Variants in FRK observed in about 807,000 individuals in gnomAD.
The protein encoded by FRK is fyn related Src family tyrosine kinase.
In FRK, 51 loss-of-function variants were observed where a neutral mutation model predicts 56.4. The ratio of observed to expected loss-of-function variants is 0.90; its 90% CI spans 0.72 to 1.14. FRK has a LOEUF of 1.14. Among genes scored for constraint, FRK ranks in the 50% most tolerant of loss-of-function variants. FRK has a pLI of 0.00. For synonymous variants in FRK, 245 were observed against 217.9 expected, an observed-to-expected ratio of 1.12 and a Z score of -1.10; for missense variants, 570 against 601.4, an observed-to-expected ratio of 0.95 and a Z score of 0.55.
Position 116,060,371 on chromosome 6 carries a change from C to T in FRK, c.-60G>A. Reference sequence around the variant, plus strand: ...TCCCTCTCCCCTTAGTCTCTGCGATCCACCTTATCTTCCTTCACCAGGCAA... The same window carrying T: ...TCCCTCTCCCCTTAGTCTCTGCGATTCACCTTATCTTCCTTCACCAGGCAA... On this transcript the variant is annotated 5_prime_UTR_variant, in exon 1 of 8. Transcript: ENST00000606080. 7.3e-7 allele frequency: 1 copy of T among 1,364,786 alleles called. No homozygotes were observed. Among genetic ancestry groups the T allele is most frequent in the Non-Finnish European group, 1.0e-6 (1 of 982,452 alleles). The allele number at this position is 1,364,786 out of a possible 1,614,324, so 84.5% of individuals were successfully genotyped here.
chr6:116,013,889 T>C lies in FRK; in HGVS notation c.345-9891A>G, dbSNP rs541573219. 2.0e-5 allele frequency among the ~76,000 whole-genome samples: 3 copies of C among 152,270 alleles called. No homozygotes were observed. In the South Asian group the frequency reaches 6.2e-4, roughly 32 times the overall value. ...TGTATTCCCTGGATCCAGGTTTCTC[T>C]TGCAAAAAGTAAAAAAGAGGGAGCA... On this transcript the variant is annotated intron_variant, in intron 1 of 7. Coordinates refer to ENST00000606080, the MANE Select transcript of FRK (RefSeq NM_002031.3).
chr6:116,044,965 G>A (rs1320961838), intron 1 of FRK, among the ~76,000 whole-genome samples: 3 of 152,148 alleles, frequency 2.0e-5, no homozygotes, highest in Admixed American at 2.0e-4. Context: ...CAAATCATGA[G>A]TGAACTCTCA....
At chr6:116,094,518 T>A in the FRK span, among the ~76,000 whole-genome samples, 1 of 152,362 alleles carries the variant, frequency 6.6e-6, no homozygotes, top group East Asian at 1.9e-4. Context: ...AGTATGCTTA[T>A]CTAATCCTAC....
Position 116,060,300 on chromosome 6 carries a change from G to A in FRK, c.12C>T (p.Ile4=), listed in dbSNP as rs147433880. ...CTAGGTACTCCCAGAGCCTCTGACA[G>A]ATGTTGCTCATTGTGCCTTGGTGGG... MSN[I]CQRLWEYLEP... is the part of the protein sequence containing the mutation. The change falls in exon 1 of 8, where the codon ATC becomes ATT. Residue 4 remains isoleucine (I), a synonymous_variant. Coordinates refer to ENST00000606080, the MANE Select transcript of FRK (RefSeq NM_002031.3). 7.8e-4 allele frequency: 1,257 copies of A among 1,613,128 alleles called. No homozygotes were observed. Among genetic ancestry groups the A allele is most frequent in the Non-Finnish European group, 1.0e-3 (1,182 of 1,179,458 alleles).
At chr6:116,003,793 A>C in intron 2 of FRK, 84 bp downstream of exon 2, 1 of 1,475,674 alleles carries the variant, frequency 6.8e-7, no homozygotes, top group South Asian at 1.3e-5. Context: ...GCAAATTTTA[A>C]ATGATCGTGT....
chr6:116,072,797 T>G, the FRK span, among the ~76,000 whole-genome samples: 1 of 152,178 alleles, frequency 6.6e-6, no homozygotes, highest in Non-Finnish European at 1.5e-5. Context: ...TAACCCATAC[T>G]AACTGATAAC....
chr6:116,024,978 T>C (rs1776030916), intron 1 of FRK, among the ~76,000 whole-genome samples: 1 of 152,176 alleles, frequency 6.6e-6, no homozygotes, highest in African/African-American at 2.4e-5. Flanking sequence ...TGAGATGATA[T>C]CTCATTGTGG....
At chr6:115,981,781 A>G (rs1219991861) in intron 2 of FRK, among the ~76,000 whole-genome samples, 1 of 152,054 alleles carries the variant, frequency 6.6e-6, no homozygotes, top group Non-Finnish European at 1.5e-5. Flanking sequence ...TAGCTAATTT[A>G]TTTTCATAGC....
At chr6:116,097,451 C>G in the FRK span, among the ~76,000 whole-genome samples, 1 of 152,042 alleles carries the variant, frequency 6.6e-6, no homozygotes, top group Non-Finnish European at 1.5e-5. Context: ...AAGAAACAGG[C>G]CATTTCCCTC....
At chr6:116,051,993 T>C (rs758405893) in intron 1 of FRK, among the ~76,000 whole-genome samples, 1 of 152,140 alleles carries the variant, frequency 6.6e-6, no homozygotes, top group African/African-American at 2.4e-5. Context: ...ATTTTGTAAA[T>C]TGGATCTAGA....
chr6:115,949,648 C>T (rs1036273043), intron 5 of FRK, among the ~76,000 whole-genome samples: 4 of 152,142 alleles, frequency 2.6e-5, no homozygotes, highest in Admixed American at 1.3e-4. Flanking sequence ...CATCAAGCTA[C>T]CACTGACTTT....
At position 115,941,097 on chromosome 6, in the gene FRK, T is replaced by C. The variant is rs1436967069; in HGVS notation, c.*1317A>G. The C allele has an allele frequency of 1.3e-5, 2 of 152,192 alleles. No individual in the cohort carries two copies. Among genetic ancestry groups the C allele is most frequent in the African/African-American group, 4.8e-5 (2 of 41,446 alleles). The allele number at this position is 152,192 out of a possible 1,614,324, so 9.4% of individuals were successfully genotyped here. ...AGCAAAGACTTGGAACCAACCCAAA[T>C]GCCCATCAACGATAGACTGGATAAA... On this transcript the variant is annotated 3_prime_UTR_variant, in exon 8 of 8. Transcript: ENST00000606080.
At position 115,933,413 on chromosome 6, in the gene FRK, C is replaced by A. The variant is rs1174959369; in HGVS notation, c.*9001G>T. ...AGAAATTTATGGCAGTTAAAAAAATCTATTACTGTTTCTCATAACTGAATC... is the reference window on the plus strand; with the variant it reads ...AGAAATTTATGGCAGTTAAAAAAATATATTACTGTTTCTCATAACTGAATC... On this transcript the variant is annotated 3_prime_UTR_variant, in exon 8 of 8. Transcript: ENST00000606080. The A allele has an allele frequency of 6.6e-6, 1 of 151,258 alleles. No homozygotes were observed. Among genetic ancestry groups the A allele is most frequent in the African/African-American group, 2.5e-5 (1 of 40,604 alleles). The allele number at this position is 151,258 out of a possible 1,614,324, so 9.4% of individuals were successfully genotyped here. A position where few individuals can be genotyped will look rare whatever the true frequency, so the allele number is the denominator to read the frequency against.
At position 115,939,257 on chromosome 6, in the gene FRK, T is replaced by C. The variant is rs904663786; in HGVS notation, c.*3157A>G. 1 of 152,080 alleles carries C rather than the reference T, an allele frequency of 6.6e-6. No individual in the cohort carries two copies. Among genetic ancestry groups the C allele is most frequent in the Admixed American group, 6.6e-5 (1 of 15,260 alleles). 9.4% of individuals were successfully genotyped at this position (152,080 alleles called of 1,614,324 possible). On this transcript the variant is annotated 3_prime_UTR_variant, in exon 8 of 8. Transcript: ENST00000606080. ...AAAACCACATGATGATCTCAATAGA[T>C]GCAGAAAATTTGATAAAATTCAACA... is the stretch of plus-strand genomic sequence containing the variant.
chr6:115,977,377 A>C (rs1305216961), intron 2 of FRK, among the ~76,000 whole-genome samples: 1 of 152,210 alleles, frequency 6.6e-6, no homozygotes, highest in African/African-American at 2.4e-5. Context: ...AAGAGAACAA[A>C]CACAGCTGAT....
intron 4 of FRK, among the ~76,000 whole-genome samples, chr6:115,967,238 A>G (rs1285979104): frequency 1.3e-5 from 2 of 152,202 alleles, no homozygotes; most frequent in African/African-American, 2.4e-5. Context: ...AGCTAAGTCA[A>G]TATCTTTTAA....
rs1475276568 is a variant in FRK at position 115,934,106 on chromosome 6, A to C, written c.*8308T>G. The C allele has an allele frequency of 6.6e-6, 1 of 152,168 alleles. No homozygotes were observed. The highest frequency in any genetic ancestry group is 1.9e-4 in the East Asian group (1 of 5,198). 9.4% of individuals were successfully genotyped at this position (152,168 alleles called of 1,614,324 possible). On this transcript the variant is annotated 3_prime_UTR_variant, in exon 8 of 8. Coordinates refer to ENST00000606080, the MANE Select transcript of FRK (RefSeq NM_002031.3). ...AGAGAGAAAGGAGGGAGATGAGGTG[A>C]TGATGATGATAGATGGGTGGATAGA...
intron 5 of FRK, among the ~76,000 whole-genome samples, chr6:115,949,680 T>C (rs1026965900): frequency 6.6e-6 from 1 of 152,138 alleles, no homozygotes; most frequent in Admixed American, 6.6e-5. Context: ...AGAAAAAACT[T>C]CTTTAAATTT....
intron 2 of FRK, among the ~76,000 whole-genome samples, chr6:115,977,311 C>A (rs1040272528): frequency 6.6e-6 from 1 of 152,058 alleles, no homozygotes; most frequent in South Asian, 2.1e-4. Flanking sequence ...ATTAAAGTGC[C>A]ATCACGTAGA....
Sources: allele counts gnomAD v4.1 joint callset (sites outside exome capture counted in the v4.1 genomes callset), GRCh38; gene constraint gnomAD v4.1.1; transcripts MANE v1.5; gene names NCBI Gene and HGNC (gene_info 2026-07-23, HGNC 2026-07-21).